DNM2: variants seen among roughly 807,000 people sequenced by gnomAD.
The protein encoded by DNM2 is dynamin-2.
A neutral mutation model predicts 99.0 loss-of-function variants in DNM2; 15 were observed. The ratio of observed to expected loss-of-function variants is 0.15; its 90% CI spans 0.10 to 0.23. DNM2 has a LOEUF of 0.23. Among genes scored for constraint, DNM2 ranks in the 10% least tolerant of loss-of-function variants. The pLI, the probability that DNM2 is intolerant of heterozygous loss-of-function variation, is 1.00. For synonymous variants in DNM2, 525 were observed against 481.2 expected (o/e 1.09, Z -1.19); for missense variants, 742 against 1,189.4 (o/e 0.62, Z 5.53).
intron 4 of DNM2, 113 bp from the exon 5 acceptor site, chr19:10,777,005 G>C: frequency 2.0e-6 from 2 of 988,954 alleles, no homozygotes; most frequent in Non-Finnish European, 1.6e-6. Flanking sequence ...GGCTTTCCCA[G>C]GTGATGTGAC....
Position 10,739,861 on chromosome 19 carries a change from C to CAAAAA in DNM2, c.162-19855_162-19851dup, listed in dbSNP as rs59755624. 6.1e-5 allele frequency among the ~76,000 whole-genome samples: 2 copies of CAAAAA among 32,638 alleles called. 1 individual carries two copies. Among genetic ancestry groups the CAAAAA allele is most frequent in the Non-Finnish European group, 1.2e-4 (2 of 17,282 alleles). The allele number at this position is 32,638 out of a possible 152,430, so 21.4% of individuals were successfully genotyped here. A position where few individuals can be genotyped will look rare whatever the true frequency, so the allele number is the denominator to read the frequency against. ...ACAGAGCAAGACTCTCTCTCTCTCT[C>CAAAAA]AAAAAAAAAAAAAAAAAAAAAAAAA... On this transcript the variant is annotated intron_variant, in intron 1 of 20. Transcript: ENST00000389253.
rs776708632 is a variant in DNM2 at position 10,772,645 on chromosome 19, G to A, written c.385+17G>A. The A allele has an allele frequency of 5.0e-6, 8 of 1,613,896 alleles. No homozygotes were observed. In the South Asian group the frequency reaches 8.8e-5, roughly 18 times the overall value. On this transcript the variant is annotated intron_variant, in intron 3 of 20. Coordinates refer to ENST00000389253, the MANE Select transcript of DNM2 (RefSeq NM_001005361.3). This position sits in a 1 kb window ranked among gnomAD's most constrained non-coding sequence, Gnocchi z 4.9. ...CGCCACACGGTAGGCAGCACGGGTGGGGACCCATCACTGACCGTTTCTGGT... is the reference window on the plus strand; with the variant it reads ...CGCCACACGGTAGGCAGCACGGGTGAGGACCCATCACTGACCGTTTCTGGT...
chr19:10,777,070 C>A, intron 4 of DNM2, 48 bp from the exon 5 acceptor site: 2 of 1,599,236 alleles, frequency 1.3e-6, no homozygotes, highest in South Asian at 1.1e-5. Flanking sequence ...CCAGCTGATG[C>A]TCTTTCCTGG....
chr19:10,762,476 C>G (rs758124956), intron 2 of DNM2, among the ~76,000 whole-genome samples: 11 of 152,158 alleles, frequency 7.2e-5, no homozygotes, highest in Non-Finnish European at 1.3e-4. Context: ...GGGACCACCA[C>G]TGTGTTTCCT....
At position 10,796,309 on chromosome 19, in the gene DNM2, A is replaced by T; in HGVS notation, c.1196+870A>T. The T allele has an allele frequency of 6.5e-7, 1 of 1,528,532 alleles. No individual in the cohort carries two copies. Among genetic ancestry groups the T allele is most frequent in the South Asian group, 1.1e-5 (1 of 88,502 alleles). 94.7% of individuals were successfully genotyped at this position (1,528,532 alleles called of 1,614,324 possible). A position where few individuals can be genotyped will look rare whatever the true frequency, so the allele number is the denominator to read the frequency against. ...GCCCCCACTGGTGCCTTTTCTCCCC[A>T]TATCGCTTTGTGTCCGTGAACTTGG... On this transcript the variant is annotated intron_variant, in intron 9 of 20. Coordinates refer to ENST00000389253, the MANE Select transcript of DNM2 (RefSeq NM_001005361.3). The surrounding 1 kb of genome is among the most constrained non-coding windows in gnomAD (Gnocchi z 5.6).
chr19:10,746,717 C>CTTTTTTTT (rs1279869201), intron 1 of DNM2, among the ~76,000 whole-genome samples: 1 of 103,192 alleles, frequency 9.7e-6, no homozygotes, highest in Non-Finnish European at 1.8e-5. Context: ...ACCGTGCCGG[C>CTTTTTTTT]TTTTTTTTTG....
intron 5 of DNM2, among the ~76,000 whole-genome samples, chr19:10,777,819 T>C (rs1463642839): frequency 1.3e-5 from 2 of 152,026 alleles, no homozygotes; most frequent in Non-Finnish European, 2.9e-5. Context: ...GGTCTCAAAC[T>C]CCTGACTTCA....
At chr19:10,784,011 T>C (rs564942307) in intron 6 of DNM2, among the ~76,000 whole-genome samples, 147 of 152,220 alleles carry the variant, frequency 9.7e-4, no homozygotes, top group Non-Finnish European at 1.9e-3. Flanking sequence ...ATCGTTCTCT[T>C]CTTGTAAGTA....
At position 10,817,816 on chromosome 19, in the gene DNM2, TGC is replaced by T. The variant is rs58592246; in HGVS notation, c.1672-2153_1672-2152del. ...GCACACACACGTGTGTGTGTGTGTGTGCGCGCGCGCGCACGCGTGCGTGCCGG... is the reference window on the plus strand; with the variant it reads ...GCACACACACGTGTGTGTGTGTGTGTGCGCGCGCGCACGCGTGCGTGCCGG... On this transcript the variant is annotated intron_variant, in intron 15 of 20. Coordinates refer to ENST00000389253, the MANE Select transcript of DNM2 (RefSeq NM_001005361.3). This position sits in a 1 kb window ranked among gnomAD's most constrained non-coding sequence, Gnocchi z 4.6. 0.018 allele frequency among the ~76,000 whole-genome samples: 2,462 copies of T among 138,002 alleles called. 32 individuals are homozygous for T. Among genetic ancestry groups the T allele is most frequent in the East Asian group, 0.024 (107 of 4,402 alleles). The allele number at this position is 138,002 out of a possible 152,430, so 90.5% of individuals were successfully genotyped here.
chr19:10,727,879 G>C (rs2069165435), intron 1 of DNM2, among the ~76,000 whole-genome samples: 1 of 152,198 alleles, frequency 6.6e-6, no homozygotes, highest in South Asian at 2.1e-4. Context: ...AATTTACTGG[G>C]ATTGCCAACT....
At chr19:10,781,630 A>T (rs1016373732) in intron 5 of DNM2, 5 of 152,106 alleles carry the variant, frequency 3.3e-5, no homozygotes, top group African/African-American at 1.2e-4. Flanking sequence ...AAAAAACAAA[A>T]ATTAGCCAGG....
intron 5 of DNM2, among the ~76,000 whole-genome samples, chr19:10,782,295 A>C (rs756425237): frequency 4.0e-5 from 6 of 151,876 alleles, no homozygotes; most frequent in Non-Finnish European, 8.8e-5. Context: ...CGGCCTCCCA[A>C]AGTGTTGGAA....
At chr19:10,800,695 C>T (rs999416932) in intron 11 of DNM2, among the ~76,000 whole-genome samples, 17 of 152,244 alleles carry the variant, frequency 1.1e-4, no homozygotes, top group Non-Finnish European at 1.3e-4. Context: ...AGTCCAGTGA[C>T]GCGCATCCCA....
At chr19:10,757,737 G>A (rs2070443690) in intron 1 of DNM2, among the ~76,000 whole-genome samples, 1 of 152,104 alleles carries the variant, frequency 6.6e-6, no homozygotes, top group African/African-American at 2.4e-5. Context: ...CTGAGGTTGA[G>A]TTCGAGACCA....
chr19:10,798,421 T>C, intron 10 of DNM2, 65 bp from the exon 11 acceptor site: 1 of 1,359,216 alleles, frequency 7.4e-7, no homozygotes, highest in Non-Finnish European at 1.0e-6. Flanking sequence ...TCTACCTGTG[T>C]GGTTCATGTT....
intron 1 of DNM2, among the ~76,000 whole-genome samples, chr19:10,720,905 G>A (rs560354604): frequency 6.6e-6 from 1 of 152,276 alleles, no homozygotes; most frequent in South Asian, 2.1e-4. Flanking sequence ...GGGAGGCATT[G>A]CTATAATCCC....
chr19:10,810,116 C>G (rs1599598431), intron 14 of DNM2: 1 of 152,498 alleles, frequency 6.6e-6, no homozygotes, highest in Non-Finnish European at 1.5e-5. Flanking sequence ...GAGACTCAGG[C>G]CAGGACCCTC....
intron 5 of DNM2, chr19:10,781,874 A>C (rs1449685038): frequency 2.0e-5 from 3 of 150,934 alleles, no homozygotes; most frequent in Non-Finnish European, 3.0e-5. Context: ...TGAAGCGTTA[A>C]CTTTCAGTTC....
intron 1 of DNM2, among the ~76,000 whole-genome samples, chr19:10,733,939 C>T (rs1026520664): frequency 1.8e-4 from 28 of 151,468 alleles, no homozygotes; most frequent in African/African-American, 5.6e-4. Flanking sequence ...ACCTGGGAAG[C>T]GGAGGCTGCA....
Sources: allele counts gnomAD v4.1 joint callset (sites outside exome capture counted in the v4.1 genomes callset), GRCh38; gene constraint gnomAD v4.1.1; non-coding constraint Gnocchi (gnomAD v3.1); transcripts MANE v1.5; gene names NCBI Gene and HGNC (gene_info 2026-07-23, HGNC 2026-07-21).